Variants in EPHA3 observed in about 807,000 individuals in gnomAD.
EPHA3 encodes the protein ephrin type-A receptor 3.
In EPHA3, 42 loss-of-function variants were observed where a neutral mutation model predicts 107.1. That is an observed-to-expected ratio of 0.39 (90% confidence interval 0.31 to 0.51). The LOEUF is 0.51. EPHA3 is among the 20% of genes least tolerant of loss of function. EPHA3 has a pLI of 0.78. For missense variants in EPHA3, 1,183 were observed against 1,211.2 expected, an observed-to-expected ratio of 0.98 and a Z score of 0.35; for synonymous variants, 461 against 424.8, an observed-to-expected ratio of 1.09 and a Z score of -1.05.
chr3:89,450,811 G>A (rs1709970221), intron 15 of EPHA3, among the ~76,000 whole-genome samples: 1 of 152,070 alleles, frequency 6.6e-6, no homozygotes, highest in South Asian at 2.1e-4. Context: ...GGAGGCTGAG[G>A]CAGGAGAATC....
chr3:89,134,251 G>T (rs1704265057), intron 2 of EPHA3, among the ~76,000 whole-genome samples: 3 of 151,122 alleles, frequency 2.0e-5, no homozygotes, highest in Admixed American at 1.3e-4. Context: ...AAGTTCTAGG[G>T]TACATGAGCA....
At chr3:89,358,883 C>A (rs887839785) in intron 5 of EPHA3, among the ~76,000 whole-genome samples, 3 of 151,052 alleles carry the variant, frequency 2.0e-5, no homozygotes, top group Non-Finnish European at 4.4e-5. Context: ...TTTTAATGAT[C>A]TCTCAAATGC....
At chr3:89,421,850 G>GA (rs1709358797) in intron 11 of EPHA3, among the ~76,000 whole-genome samples, 1 of 150,888 alleles carries the variant, frequency 6.6e-6, no homozygotes, top group African/African-American at 2.4e-5. Context: ...AAAAAATGTA[G>GA]AAAAATGCAC....
chr3:89,311,693 A>G (rs1378311789), intron 3 of EPHA3, among the ~76,000 whole-genome samples: 1 of 152,040 alleles, frequency 6.6e-6, no homozygotes, highest in Non-Finnish European at 1.5e-5. Context: ...GGCTTAGTGA[A>G]TAGGGATTGT....
intron 3 of EPHA3, among the ~76,000 whole-genome samples, chr3:89,218,869 T>G (rs1440407988): frequency 1.3e-5 from 2 of 152,170 alleles, no homozygotes; most frequent in African/African-American, 2.4e-5. Context: ...GGAACACTTT[T>G]ACACTGTTGG....
In EPHA3 at chr3:89,479,724, T is replaced by A. The variant is rs1355032488; in HGVS notation, c.*222T>A. ...GGGTATTTTTTTGTAATTGCTTTTT[T>A]AAATATTAGTTAATGGATTAAATTT... On this transcript the variant is annotated 3_prime_UTR_variant, in exon 17 of 17. Coordinates refer to ENST00000336596, the MANE Select transcript of EPHA3 (RefSeq NM_005233.6). 4.2e-5 allele frequency: 20 copies of A among 472,482 alleles called. No homozygotes were observed. Among genetic ancestry groups the A allele is most frequent in the South Asian group, 1.5e-4 (4 of 27,282 alleles). 29.3% of individuals were successfully genotyped at this position (472,482 alleles called of 1,614,324 possible).
In EPHA3 at chr3:89,433,940, G is replaced by A. The variant is rs112095078; in HGVS notation, c.2346+2581G>A. Among the ~76,000 whole-genome samples, 352 of 152,158 alleles carry A rather than the reference G, an allele frequency of 2.3e-3. 3 individuals carry two copies. Among genetic ancestry groups the A allele is most frequent in the Non-Finnish European group, 3.9e-3 (264 of 68,002 alleles). ...TCAGTAGACACTATATGCAGCAAGTGATACTTAACAGTCTTAGGGAATGTA... is the reference window on the plus strand; with the variant it reads ...TCAGTAGACACTATATGCAGCAAGTAATACTTAACAGTCTTAGGGAATGTA... On this transcript the variant is annotated intron_variant, in intron 13 of 16. Transcript: ENST00000336596.
At chr3:89,472,770 G>A (rs1049738902) in intron 16 of EPHA3, 151 bp downstream of exon 16, 23 of 851,996 alleles carry the variant, frequency 2.7e-5, no homozygotes, top group Non-Finnish European at 4.0e-5. Context: ...GCTAATCAGG[G>A]CCCTGGGTCT....
chr3:89,191,775 AAGAGAGTT>A (rs1705722162), intron 2 of EPHA3, among the ~76,000 whole-genome samples: 1 of 152,130 alleles, frequency 6.6e-6, no homozygotes, highest in Non-Finnish European at 1.5e-5. Context: ...ACGAGTCTTG[AAGAGAGTT>A]AGGAAAAATA....
chr3:89,412,255 A>T (rs1465756547), intron 9 of EPHA3, among the ~76,000 whole-genome samples: 1 of 151,716 alleles, frequency 6.6e-6, no homozygotes, highest in Non-Finnish European at 1.5e-5. Context: ...AATTAAAATG[A>T]TTATCCTGTA....
At chr3:89,129,450 C>T (rs1004144965) in intron 2 of EPHA3, among the ~76,000 whole-genome samples, 1 of 151,952 alleles carries the variant, frequency 6.6e-6, no homozygotes, top group Non-Finnish European at 1.5e-5. Context: ...TACCTGAGAA[C>T]TCCGAAGCTA....
chr3:89,402,027 G>C (rs1489359013), intron 7 of EPHA3, among the ~76,000 whole-genome samples: 1 of 152,172 alleles, frequency 6.6e-6, no homozygotes, highest in Non-Finnish European at 1.5e-5. Flanking sequence ...AAAAAGCTCA[G>C]ATCACTATTA....
chr3:89,288,070 T>G (rs1233829160), intron 3 of EPHA3, among the ~76,000 whole-genome samples: 1 of 152,082 alleles, frequency 6.6e-6, no homozygotes, highest in Non-Finnish European at 1.5e-5. Context: ...AATATGTGCA[T>G]GCTTTCTGAT....
intron 3 of EPHA3, among the ~76,000 whole-genome samples, chr3:89,293,115 G>A (rs551705133): frequency 4.6e-5 from 7 of 152,068 alleles, no homozygotes; most frequent in South Asian, 4.1e-4. Context: ...GTGTCATTTC[G>A]TGTGCTTATA....
intron 3 of EPHA3, among the ~76,000 whole-genome samples, chr3:89,289,238 G>C (rs928078830): frequency 1.3e-5 from 2 of 152,036 alleles, no homozygotes; most frequent in Admixed American, 1.3e-4. Context: ...TTCCTTCAGC[G>C]TGGAGGATCT....
chr3:89,262,159 C>A (rs879654695), intron 3 of EPHA3, among the ~76,000 whole-genome samples: 16 of 151,952 alleles, frequency 1.1e-4, no homozygotes, highest in Non-Finnish European at 2.2e-4. Flanking sequence ...TCCAACTGTT[C>A]ACAGATCACT....
intron 2 of EPHA3, among the ~76,000 whole-genome samples, chr3:89,158,412 C>A (rs1704851952): frequency 6.6e-6 from 1 of 152,000 alleles, no homozygotes; most frequent in Admixed American, 6.6e-5. Flanking sequence ...TTGGGGCTTT[C>A]TTTTACACTG....
In EPHA3 at chr3:89,345,188, A is replaced by T. The variant is rs1264868617; in HGVS notation, c.1306+3098A>T. ...ATTCTATAGCATATAATGATCTCAG[A>T]CTAGAATAAGGAGCACTAATAGAGA... On this transcript the variant is annotated intron_variant, in intron 5 of 16. Transcript: ENST00000336596. Among the ~76,000 whole-genome samples the T allele has an allele frequency of 1.3e-5, 2 of 151,224 alleles. 1 individual carries two copies. The highest frequency in any genetic ancestry group is 3.0e-5 in the Non-Finnish European group (2 of 67,562).
intron 3 of EPHA3, among the ~76,000 whole-genome samples, chr3:89,212,412 A>G (rs1429000100): frequency 2.0e-5 from 3 of 152,002 alleles, no homozygotes; most frequent in Non-Finnish European, 4.4e-5. Context: ...AAAATTATAA[A>G]GTGACATACT....
Sources: gnomAD v4.1 joint callset for allele counts (sites outside exome capture counted in the v4.1 genomes callset) on GRCh38, gnomAD v4.1.1 for gene constraint, MANE v1.5 for transcripts, NCBI Gene and HGNC (gene_info 2026-07-23, HGNC 2026-07-21) for gene names.